FAF2: variants seen among roughly 807,000 people sequenced by gnomAD.
FAF2 encodes the protein FAS-associated factor 2.
Under a neutral mutation model 62.3 loss-of-function variants are expected in FAF2, and 9 were observed. That is an observed-to-expected ratio of 0.14 (90% CI 0.09 to 0.25). The LOEUF (loss-of-function observed/expected upper bound fraction) is 0.25, where lower values mean the gene tolerates loss of function less well. FAF2 is among the 10% of genes least tolerant of loss of function. FAF2 has a pLI of 1.00. For missense variants in FAF2, 368 were observed against 556.2 expected (o/e 0.66, Z 3.40); for synonymous variants, 202 against 198.0 (o/e 1.02, Z -0.17).
chr5:176,457,232 A>C (rs141800695), intron 1 of FAF2, among the ~76,000 whole-genome samples: 1 of 152,144 alleles, frequency 6.6e-6, no homozygotes, highest in Non-Finnish European at 1.5e-5. Flanking sequence ...TGTTGTCCCC[A>C]GGCTGGAGTG....
chr5:176,504,454 C>T (rs1022988717), intron 10 of FAF2, among the ~76,000 whole-genome samples: 8 of 151,948 alleles, frequency 5.3e-5, no homozygotes, highest in African/African-American at 9.7e-5. Context: ...CATGGTGGTG[C>T]GCGCCTGTAG....
intron 5 of FAF2, 49 bp from the exon 6 acceptor site, chr5:176,493,950 G>T (rs1759018631): frequency 7.6e-7 from 1 of 1,321,320 alleles, no homozygotes; most frequent in Non-Finnish European, 1.1e-6. Context: ...TTAAATATAA[G>T]CTCAAGGCAC....
chr5:176,504,989 C>T (rs934594515), intron 10 of FAF2, among the ~76,000 whole-genome samples: 5 of 149,528 alleles, frequency 3.3e-5, no homozygotes, highest in African/African-American at 1.2e-4. Flanking sequence ...CACCACTGCA[C>T]TCCAGCCTGG....
At chr5:176,493,130 AG>A (rs1372614248) in intron 5 of FAF2, among the ~76,000 whole-genome samples, 8 of 152,362 alleles carry the variant, frequency 5.3e-5, no homozygotes, top group Non-Finnish European at 8.8e-5. Context: ...AATAGGCAAA[AG>A]GGGGTTCTAT....
intron 2 of FAF2, among the ~76,000 whole-genome samples, chr5:176,483,685 T>G (rs939416814): frequency 6.6e-6 from 1 of 152,198 alleles, no homozygotes; most frequent in Non-Finnish European, 1.5e-5. Flanking sequence ...GTCTTCAGAT[T>G]TGCTAATTCA....
Position 176,509,181 on chromosome 5 carries a change from C to T in FAF2, c.*2231C>T, listed in dbSNP as rs1263599289. 1 of 152,188 alleles carries T rather than the reference C, an allele frequency of 6.6e-6. No individual in the cohort carries two copies. The highest frequency in any genetic ancestry group is 1.5e-5 in the Non-Finnish European group (1 of 68,054). The allele number at this position is 152,188 out of a possible 1,614,324, so 9.4% of individuals were successfully genotyped here. A position where few individuals can be genotyped will look rare whatever the true frequency, so the allele number is the denominator to read the frequency against. On this transcript the variant is annotated 3_prime_UTR_variant, in exon 11 of 11. Transcript: ENST00000261942. Reference sequence around the variant, plus strand: ...TGCCCCGGTCTAGTCCCATTTGAAACAGTTCTGCTTTACTGAGACCCTAGG... The same window carrying T: ...TGCCCCGGTCTAGTCCCATTTGAAATAGTTCTGCTTTACTGAGACCCTAGG...
intron 1 of FAF2, among the ~76,000 whole-genome samples, chr5:176,468,951 T>C (rs1293264293): frequency 1.3e-5 from 2 of 151,414 alleles, no homozygotes; most frequent in African/African-American, 4.9e-5. Context: ...GTAAAAAATA[T>C]AAAAAATTTT....
chr5:176,474,058 G>T (rs1758619868), intron 1 of FAF2, among the ~76,000 whole-genome samples: 1 of 152,194 alleles, frequency 6.6e-6, no homozygotes, highest in Non-Finnish European at 1.5e-5. Context: ...GCTTGCTACT[G>T]GGATGTTGTG....
chr5:176,476,934 T>C (rs924349756), intron 1 of FAF2, among the ~76,000 whole-genome samples: 1 of 150,086 alleles, frequency 6.7e-6, no homozygotes, highest in Non-Finnish European at 1.5e-5. Flanking sequence ...CTCAGCCTCC[T>C]GAGTAGCTGG....
At chr5:176,465,424 A>G (rs1022213077) in intron 1 of FAF2, among the ~76,000 whole-genome samples, 5 of 144,648 alleles carry the variant, frequency 3.5e-5, no homozygotes, top group African/African-American at 1.3e-4. Flanking sequence ...CTGGAGTGCA[A>G]TGACACAATC....
At chr5:176,473,263 T>C (rs1758605664) in intron 1 of FAF2, among the ~76,000 whole-genome samples, 1 of 152,238 alleles carries the variant, frequency 6.6e-6, no homozygotes, top group South Asian at 2.1e-4. Flanking sequence ...TTGGTGACCT[T>C]GACAGTTTTC....
intron 1 of FAF2, among the ~76,000 whole-genome samples, chr5:176,457,725 A>G (rs1304219611): frequency 6.6e-6 from 1 of 152,048 alleles, no homozygotes; most frequent in Non-Finnish European, 1.5e-5. Flanking sequence ...AGCAGAAATC[A>G]CCGTGAACAC....
At chr5:176,477,769 T>A (rs1179955195) in intron 1 of FAF2, among the ~76,000 whole-genome samples, 1 of 152,198 alleles carries the variant, frequency 6.6e-6, no homozygotes, top group East Asian at 1.9e-4. Context: ...ACCCTTCACA[T>A]TGCACATAAA....
At chr5:176,495,510 ATT>A (rs55981414) in intron 7 of FAF2, among the ~76,000 whole-genome samples, 80,026 of 132,674 alleles carry the variant, frequency 0.6, 23,908 homozygotes, top group African/African-American at 0.78. Context: ...TTGGACACCA[ATT>A]TTTTTTTTTT....
In FAF2 at chr5:176,477,236, T is replaced by C. The variant is rs573348612; in HGVS notation, c.64-1952T>C. Among the ~76,000 whole-genome samples the C allele has an allele frequency of 5.0e-3, 631 of 125,470 alleles. 7 individuals are homozygous for C. Among genetic ancestry groups the C allele is most frequent in the African/African-American group, 0.018 (596 of 32,872 alleles). The allele number at this position is 125,470 out of a possible 152,430, so 82.3% of individuals were successfully genotyped here. A position where few individuals can be genotyped will look rare whatever the true frequency, so the allele number is the denominator to read the frequency against. ...CTGAGATTACAGGCATGAGCCACCG[T>C]GCCCGGCCTTTTTTTTTTTTTTTTT... On this transcript the variant is annotated intron_variant, in intron 1 of 10. Transcript: ENST00000261942.
At chr5:176,481,056 A>G (rs1258609727) in intron 2 of FAF2, among the ~76,000 whole-genome samples, 3 of 151,812 alleles carry the variant, frequency 2.0e-5, no homozygotes, top group Non-Finnish European at 4.4e-5. Flanking sequence ...ATTTATTTTT[A>G]TTTTTTTGAG....
intron 1 of FAF2, among the ~76,000 whole-genome samples, chr5:176,477,958 C>T (rs1758731813): frequency 1.3e-5 from 2 of 152,180 alleles, no homozygotes; most frequent in African/African-American, 4.8e-5. Context: ...ATAGAGACTA[C>T]ATCTTATTCA....
In FAF2 at chr5:176,489,066, G is replaced by C. The variant is rs2277069; in HGVS notation, c.344+39G>C. ...GATTTATGTATTAGTAGAATAGTAA[G>C]ACTTTGGAGCTGAAATTTAGGCCAA... On this transcript the variant is annotated intron_variant, in intron 4 of 10. Coordinates refer to ENST00000261942, the MANE Select transcript of FAF2 (RefSeq NM_014613.3). 1.8e-4 allele frequency: 276 copies of C among 1,540,370 alleles called. 2 individuals are homozygous for C. The East Asian group carries it at 6.1e-3, about 34-fold the overall frequency.
chr5:176,463,151 T>C (rs1307170397), intron 1 of FAF2, among the ~76,000 whole-genome samples: 3 of 152,060 alleles, frequency 2.0e-5, no homozygotes, highest in Non-Finnish European at 4.4e-5. Flanking sequence ...CCAGCACTTT[T>C]GGGAGGCTGA....
Sources: allele counts gnomAD v4.1 joint callset (sites outside exome capture counted in the v4.1 genomes callset), GRCh38; gene constraint gnomAD v4.1.1; transcripts MANE v1.5; gene names NCBI Gene and HGNC (gene_info 2026-07-23, HGNC 2026-07-21).